The following ZNF517 variants were observed in gnomAD, a reference collection of about 807,000 sequenced individuals.
ZNF517 encodes zinc finger protein 517.
ZNF517 carries 12 observed loss-of-function variants against 12.1 expected under a neutral mutation model. The observed-to-expected ratio is 0.99, with a 90% CI of 0.63 to 1.61. The LOEUF (loss-of-function observed/expected upper bound fraction) is 1.61. ZNF517 is among the 40% of genes most tolerant of loss of function. The pLI is 0.00. For missense variants in ZNF517, 781 were observed against 693.2 expected, an observed-to-expected ratio of 1.13 and a Z score of -1.42; for synonymous variants, 388 against 310.2, an observed-to-expected ratio of 1.25 and a Z score of -2.63.
chr8:144,801,050 A>C lies in ZNF517; in HGVS notation c.-45-1820A>C, dbSNP rs137916816. On this transcript the variant is annotated intron_variant, in intron 1 of 4. Transcript: ENST00000359971. Reference sequence around the variant, plus strand: ...CACCATGTTGGCCAGGCTGGTCACGAACTCCTGACTTCAAATGATCCGCCC... The same window carrying C: ...CACCATGTTGGCCAGGCTGGTCACGCACTCCTGACTTCAAATGATCCGCCC... Among the ~76,000 whole-genome samples the C allele has an allele frequency of 5.3e-5, 8 of 152,178 alleles. No individual in the cohort carries two copies. The East Asian group carries it at 1.6e-3, about 30-fold the overall frequency.
At chr8:144,810,413 G>GA (rs1827519079), downstream of ZNF517, 1 of 425,020 alleles carries the variant, frequency 2.4e-6, no homozygotes, top group Admixed American at 3.9e-5. Context: ...AAGAGCCATG[G>GA]GAAGCCTGGC....
At chr8:144,801,959 G>C (rs1826984707) in intron 1 of ZNF517, among the ~76,000 whole-genome samples, 1 of 152,126 alleles carries the variant, frequency 6.6e-6, no homozygotes, top group Admixed American at 6.5e-5. Context: ...CTTGAGCCCA[G>C]GAAGTTGAGG....
intron 4 of ZNF517, 71 bp downstream of exon 4, chr8:144,804,309 G>A (rs1219908607): frequency 8.4e-7 from 1 of 1,187,988 alleles, no homozygotes; most frequent in Non-Finnish European, 1.2e-6. Flanking sequence ...AGCTCTGCAG[G>A]TCCCTTCTTC....
chr8:144,805,479 C>G (rs536660402), intron 4 of ZNF517, among the ~76,000 whole-genome samples: 2 of 151,814 alleles, frequency 1.3e-5, no homozygotes, highest in Non-Finnish European at 2.9e-5. Context: ...TACAGGCGCC[C>G]GCCACCATGC....
At chr8:144,803,208 G>A in intron 2 of ZNF517, 1 of 538,810 alleles carries the variant, frequency 1.9e-6, no homozygotes, top group South Asian at 2.5e-5. Context: ...TGAGGGCAGG[G>A]TCCCTGTCCT....
chr8:144,805,863 G>GC (rs1484100617), intron 4 of ZNF517, among the ~76,000 whole-genome samples: 5 of 132,868 alleles, frequency 3.8e-5, no homozygotes, highest in Non-Finnish European at 6.6e-5. Context: ...CTTGTGATCC[G>GC]CCGCCTCGGC....
downstream of ZNF517, chr8:144,810,173 A>G (rs1490811760): frequency 2.9e-6 from 2 of 698,998 alleles, no homozygotes; most frequent in African/African-American, 1.7e-5. Context: ...GTGGGCCAGG[A>G]GAGAAGGGTG....
chr8:144,804,002 T>C, intron 3 of ZNF517, 123 bp from the exon 4 acceptor site: 2 of 1,119,840 alleles, frequency 1.8e-6, no homozygotes, highest in Non-Finnish European at 2.5e-6. Context: ...TGCCCCCTTC[T>C]GGGATAGTGA....
In ZNF517 at chr8:144,802,761, C is replaced by T. The variant is rs1827029555; in HGVS notation, c.-45-109C>T. The T allele has an allele frequency of 7.9e-6, 12 of 1,519,036 alleles. No homozygotes were observed. The East Asian group carries it at 2.3e-4, about 29-fold the overall frequency. 94.1% of individuals were successfully genotyped at this position (1,519,036 alleles called of 1,614,324 possible). A position where few individuals can be genotyped will look rare whatever the true frequency, so the allele number is the denominator to read the frequency against. On this transcript the variant is annotated intron_variant, in intron 1 of 4. Transcript: ENST00000359971. Reference sequence around the variant, plus strand: ...TGAAGGAGGCGGCTGATGTGATTGCCCTAGCACTTTACCCTCTCCTGCTCC... The same window carrying T: ...TGAAGGAGGCGGCTGATGTGATTGCTCTAGCACTTTACCCTCTCCTGCTCC...
At chr8:144,802,631 T>C (rs1050610871) in intron 1 of ZNF517, 19 of 397,510 alleles carry the variant, frequency 4.8e-5, no homozygotes, top group Non-Finnish European at 6.2e-5. Flanking sequence ...GGTGGCAGTT[T>C]AAAAAATGGT....
chr8:144,803,233 C>T (rs1301624619), intron 2 of ZNF517: 2 of 512,436 alleles, frequency 3.9e-6, no homozygotes, highest in Non-Finnish European at 7.0e-6. Flanking sequence ...CAGTGCCTGC[C>T]TCCTTCCTGG....
At chr8:144,801,709 G>A (rs1246898285) in intron 1 of ZNF517, among the ~76,000 whole-genome samples, 1 of 152,068 alleles carries the variant, frequency 6.6e-6, no homozygotes, top group African/African-American at 2.4e-5. Context: ...TGTCTCCACC[G>A]CACCTGGCCA....
downstream of ZNF517, among the ~76,000 whole-genome samples, chr8:144,812,646 G>A (rs919580233): frequency 6.6e-6 from 1 of 152,220 alleles, no homozygotes; most frequent in African/African-American, 2.4e-5. Flanking sequence ...GCATGGACCT[G>A]GGTTGCCACT....
chr8:144,806,836 C>T (rs148534234), intron 4 of ZNF517, among the ~76,000 whole-genome samples: 22 of 152,310 alleles, frequency 1.4e-4, no homozygotes, highest in African/African-American at 5.3e-4. Context: ...CCTCCCTACA[C>T]GTCTAACAAA....
chr8:144,808,565 A>G lies in ZNF517; in HGVS notation c.*170A>G. 1.0e-6 allele frequency: 1 copy of G among 988,856 alleles called. No individual in the cohort carries two copies. 61.3% of individuals were successfully genotyped at this position (988,856 alleles called of 1,614,324 possible). A position where few individuals can be genotyped will look rare whatever the true frequency, so the allele number is the denominator to read the frequency against. On this transcript the variant is annotated 3_prime_UTR_variant, in exon 5 of 5. Transcript: ENST00000359971. ...CTCCAGCCGGGCACTGGGGAGGGAAAGGGCACCAGGCAGCCCGTGGTGTGG... is the reference window on the plus strand; with the variant it reads ...CTCCAGCCGGGCACTGGGGAGGGAAGGGGCACCAGGCAGCCCGTGGTGTGG...
chr8:144,800,594 G>T, intron 1 of ZNF517: 1 of 985,300 alleles, frequency 1.0e-6, no homozygotes, highest in Non-Finnish European at 1.2e-6. Flanking sequence ...TGTGGCCATC[G>T]CAGTGGCCCA....
At position 144,804,204 on chromosome 8, in the gene ZNF517, T is replaced by C; in HGVS notation, c.240T>C (p.Ala80=). The C allele has an allele frequency of 6.2e-7, 1 of 1,614,050 alleles. No individual in the cohort carries two copies. Among genetic ancestry groups the C allele is most frequent in the South Asian group, 1.1e-5 (1 of 91,074 alleles). The change falls in exon 4 of 5, where the codon GCT becomes GCC. Residue 80 remains alanine (A), a synonymous_variant. Transcript: ENST00000359971. Reference sequence around the variant, plus strand: ...CGGGGGCCTTGATTCTGCAGGTGGCTGAACAGAGCGTGGCCAAAGCCAGCC... The same window carrying C: ...CGGGGGCCTTGATTCTGCAGGTGGCCGAACAGAGCGTGGCCAAAGCCAGCC... ...EEPGALILQV[A]EQSVAKASLC... is the part of the protein sequence containing the mutation.
Position 144,809,837 on chromosome 8 carries a change from A to T in ZNF517, c.*1442A>T, listed in dbSNP as rs1586769149. On this transcript the variant is annotated 3_prime_UTR_variant, in exon 5 of 5. Transcript: ENST00000359971. ...GAGGCAGAGGTAGGTGGATCACCTGAGGTCAGGAGTTCAAGACCAGCCTGG... is the reference window on the plus strand; with the variant it reads ...GAGGCAGAGGTAGGTGGATCACCTGTGGTCAGGAGTTCAAGACCAGCCTGG... 2.6e-5 allele frequency: 6 copies of T among 232,530 alleles called. No individual in the cohort carries two copies. The East Asian group carries it at 5.2e-4, about 20-fold the overall frequency. The allele number at this position is 232,530 out of a possible 1,614,324, so 14.4% of individuals were successfully genotyped here. A position where few individuals can be genotyped will look rare whatever the true frequency, so the allele number is the denominator to read the frequency against.
intron 4 of ZNF517, among the ~76,000 whole-genome samples, chr8:144,804,526 G>A (rs1021580941): frequency 2.0e-5 from 3 of 152,156 alleles, no homozygotes; most frequent in African/African-American, 7.2e-5. Context: ...CAGCCCTACA[G>A]GGTCTGTGGG....
Sources: gnomAD v4.1 joint callset for allele counts (sites outside exome capture counted in the v4.1 genomes callset) on GRCh38, gnomAD v4.1.1 for gene constraint, MANE v1.5 for transcripts, NCBI Gene and HGNC (gene_info 2026-07-23, HGNC 2026-07-21) for gene names.